PLD5: variants seen among roughly 807,000 people sequenced by gnomAD.
PLD5 encodes phospholipase D family member 5.
A neutral mutation model predicts 61.1 loss-of-function variants in PLD5; 36 were observed. The observed-to-expected ratio is 0.59, with a 90% confidence interval of 0.45 to 0.78. The LOEUF (loss-of-function observed/expected upper bound fraction) is 0.78. PLD5 is among the 30% of genes least tolerant of loss of function. PLD5 has a pLI of 0.00. For synonymous variants in PLD5, 243 were observed against 242.8 expected, an observed-to-expected ratio of 1.00 and a Z score of -0.01; for missense variants, 515 against 644.4, an observed-to-expected ratio of 0.80 and a Z score of 2.17.
intron 8 of PLD5, among the ~76,000 whole-genome samples, chr1:242,105,872 T>G (rs941808413): frequency 5.9e-5 from 9 of 152,216 alleles, no homozygotes; most frequent in African/African-American, 1.9e-4. Context: ...TAGGGAATTA[T>G]GTACAACAAG....
In PLD5 at chr1:242,376,247, T is replaced by A. The variant is rs574197969; in HGVS notation, c.190-28005A>T. Among the ~76,000 whole-genome samples the A allele has an allele frequency of 1.1e-3, 172 of 152,128 alleles. 1 individual carries two copies. The highest frequency in any genetic ancestry group is 2.2e-3 in the Non-Finnish European group (149 of 68,028). ...GAACTGAGGAAATCAGCCTTCCTTATTAGATTCCTGGCTTCAGTTTTTATC... is the reference window on the plus strand; with the variant it reads ...GAACTGAGGAAATCAGCCTTCCTTAATAGATTCCTGGCTTCAGTTTTTATC... On this transcript the variant is annotated intron_variant, in intron 1 of 9. Transcript: ENST00000536534.
At chr1:242,254,752 T>C (rs1298071062) in intron 4 of PLD5, among the ~76,000 whole-genome samples, 1 of 152,148 alleles carries the variant, frequency 6.6e-6, no homozygotes, top group Non-Finnish European at 1.5e-5. Context: ...ATGACAAGTT[T>C]AGAATTTCAG....
At chr1:242,171,283 C>A (rs1169842427) in intron 5 of PLD5, among the ~76,000 whole-genome samples, 4 of 152,120 alleles carry the variant, frequency 2.6e-5, no homozygotes, top group Non-Finnish European at 5.9e-5. Context: ...TCCAGCCAAA[C>A]AGAGCTTCAT....
chr1:242,466,778 A>G (rs902933177), intron 1 of PLD5, among the ~76,000 whole-genome samples: 3 of 152,004 alleles, frequency 2.0e-5, no homozygotes, highest in Non-Finnish European at 2.9e-5. Flanking sequence ...CTGCACTTCC[A>G]GTTACTGGGG....
intron 7 of PLD5, among the ~76,000 whole-genome samples, chr1:242,110,540 T>G (rs190142474): frequency 1.1e-4 from 16 of 152,314 alleles, no homozygotes; most frequent in African/African-American, 3.9e-4. Flanking sequence ...CCAGGCGCGG[T>G]GGCTCATACC....
At chr1:242,482,591 C>T (rs1469025862) in intron 1 of PLD5, among the ~76,000 whole-genome samples, 1 of 152,096 alleles carries the variant, frequency 6.6e-6, no homozygotes, top group Non-Finnish European at 1.5e-5. Context: ...ATTGGTGTAC[C>T]TGAAAGTAAT....
intron 2 of PLD5, among the ~76,000 whole-genome samples, chr1:242,306,230 T>C (rs115510130): frequency 6.9e-6 from 1 of 144,966 alleles, no homozygotes. Context: ...GGGCTGAGAC[T>C]GAATTCCTGC....
chr1:242,162,516 T>C (rs1467542927), intron 5 of PLD5, among the ~76,000 whole-genome samples: 3 of 152,198 alleles, frequency 2.0e-5, no homozygotes, highest in Non-Finnish European at 4.4e-5. Flanking sequence ...AGCCAGTGTC[T>C]GCATTTATTG....
At position 242,109,128 on chromosome 1, in the gene PLD5, C is replaced by T. The variant is rs771165241; in HGVS notation, c.1071-1289G>A. Among the ~76,000 whole-genome samples, 6 of 152,188 alleles carry T rather than the reference C, an allele frequency of 3.9e-5. 1 individual carries two copies. The highest frequency in any genetic ancestry group is 8.8e-5 in the Non-Finnish European group (6 of 68,034). ...TTTCTCTGCCTCCAGTCATGTACTTCATCGATGACCACCGCAGTGATCCAT... is the reference window on the plus strand; with the variant it reads ...TTTCTCTGCCTCCAGTCATGTACTTTATCGATGACCACCGCAGTGATCCAT... On this transcript the variant is annotated intron_variant, in intron 7 of 9. Transcript: ENST00000536534.
At chr1:242,226,079 T>C (rs1436553449) in intron 4 of PLD5, among the ~76,000 whole-genome samples, 1 of 152,262 alleles carries the variant, frequency 6.6e-6, no homozygotes, top group Non-Finnish European at 1.5e-5. Flanking sequence ...TTAAATATTA[T>C]AGACTTCTGA....
intron 3 of PLD5, among the ~76,000 whole-genome samples, chr1:242,275,145 C>T (rs1011716851): frequency 1.1e-4 from 16 of 151,458 alleles, no homozygotes; most frequent in Non-Finnish European, 1.8e-4. Flanking sequence ...ACATTTGATG[C>T]TATAGTCTTA....
At chr1:242,194,626 C>CTATCTATCTATG (rs1558328845) in intron 5 of PLD5, among the ~76,000 whole-genome samples, 7 of 83,710 alleles carry the variant, frequency 8.4e-5, no homozygotes, top group Non-Finnish European at 1.0e-4. Flanking sequence ...ATGTATCTAT[C>CTATCTATCTATG]TATCTATCTA....
At chr1:242,518,820 A>C (rs910964954) in intron 1 of PLD5, among the ~76,000 whole-genome samples, 6 of 152,186 alleles carry the variant, frequency 3.9e-5, no homozygotes, top group African/African-American at 1.4e-4. Flanking sequence ...GAAACCAAAA[A>C]TTCTTCAAAA....
At chr1:242,258,766 T>G (rs1217937694) in intron 4 of PLD5, among the ~76,000 whole-genome samples, 1 of 152,148 alleles carries the variant, frequency 6.6e-6, no homozygotes, top group Non-Finnish European at 1.5e-5. Flanking sequence ...CAGTAATGCA[T>G]TCTGTTTCTT....
chr1:242,186,734 T>C (rs965305120), intron 5 of PLD5, among the ~76,000 whole-genome samples: 2 of 152,208 alleles, frequency 1.3e-5, no homozygotes, highest in African/African-American at 4.8e-5. Context: ...TAAGACAGTA[T>C]AGTATAATCA....
chr1:242,176,606 G>A (rs1288679589), intron 5 of PLD5, among the ~76,000 whole-genome samples: 1 of 152,144 alleles, frequency 6.6e-6, no homozygotes, highest in East Asian at 1.9e-4. Context: ...ACACTAAAGA[G>A]CTTCTGCACA....
At chr1:242,155,541 T>C (rs902865314) in intron 5 of PLD5, among the ~76,000 whole-genome samples, 1 of 152,234 alleles carries the variant, frequency 6.6e-6, no homozygotes, top group Non-Finnish European at 1.5e-5. Flanking sequence ...GAGATTCTGG[T>C]ACATTGTGTC....
In PLD5 at chr1:242,086,492, G is replaced by A. The variant is rs1261890629; in HGVS notation, c.*3362C>T. 1 of 152,136 alleles carries A rather than the reference G, an allele frequency of 6.6e-6. No homozygotes were observed. Among genetic ancestry groups the A allele is most frequent in the Non-Finnish European group, 1.5e-5 (1 of 68,058 alleles). The allele number at this position is 152,136 out of a possible 1,614,324, so 9.4% of individuals were successfully genotyped here. A position where few individuals can be genotyped will look rare whatever the true frequency, so the allele number is the denominator to read the frequency against. On this transcript the variant is annotated 3_prime_UTR_variant, in exon 10 of 10. Coordinates refer to ENST00000536534, the MANE Select transcript of PLD5 (RefSeq NM_001372062.1). The stretch of plus-strand genomic sequence containing the variant: ...CCTCTCCAATGGTTGGACAAGCAGA[G>A]ATTCAATTATTTGATAGGCTAGTGG...
At chr1:242,530,095 T>G in the PLD5 span, among the ~76,000 whole-genome samples, 1 of 152,156 alleles carries the variant, frequency 6.6e-6, no homozygotes, top group South Asian at 2.1e-4. Context: ...GGTTTCACCA[T>G]ATTGGCTGGA....
Sources: allele counts gnomAD v4.1 joint callset (sites outside exome capture counted in the v4.1 genomes callset), GRCh38; gene constraint gnomAD v4.1.1; transcripts MANE v1.5; gene names NCBI Gene and HGNC (gene_info 2026-07-23, HGNC 2026-07-21).